The following KRABD5 variants were observed in gnomAD, a reference collection of about 807,000 sequenced individuals.
KRABD5 encodes the protein KRAB domain-containing protein 5.
At chr16:31,723,204 C>T in the KRABD5 span, 1 of 1,566,470 alleles carries the variant, frequency 6.4e-7, no homozygotes, top group Admixed American at 1.8e-5. Context: ...TCCTACTGAG[C>T]TGGCAATTAA....
chr16:31,754,072 T>C, the KRABD5 span: 2 of 796,656 alleles, frequency 2.5e-6, no homozygotes, highest in South Asian at 2.9e-5. Flanking sequence ...CATCAATTTT[T>C]GAAACTTACC....
chr16:31,739,831 A>G, the KRABD5 span, among the ~76,000 whole-genome samples: 1 of 152,174 alleles, frequency 6.6e-6, no homozygotes, highest in Non-Finnish European at 1.5e-5. Flanking sequence ...GAATGAGGGC[A>G]AGGAACACCT....
At chr16:31,717,107 CT>C in the KRABD5 span, among the ~76,000 whole-genome samples, 7 of 150,204 alleles carry the variant, frequency 4.7e-5, no homozygotes, top group South Asian at 1.5e-3. Flanking sequence ...AGCGATTCTC[CT>C]GCCTAGCCTC....
chr16:31,730,228 AT>A, the KRABD5 span, among the ~76,000 whole-genome samples: 7 of 150,924 alleles, frequency 4.6e-5, no homozygotes, highest in Non-Finnish European at 8.9e-5. Context: ...AATTCCTTTA[AT>A]TTTTTTTTTG....
chr16:31,748,422 G>A, the KRABD5 span, among the ~76,000 whole-genome samples: 44 of 152,318 alleles, frequency 2.9e-4, no homozygotes, highest in African/African-American at 1.0e-3. Context: ...GTCAGGTAGC[G>A]TGATGCCTCC....
At chr16:31,720,759 T>C in the KRABD5 span, among the ~76,000 whole-genome samples, 1 of 152,218 alleles carries the variant, frequency 6.6e-6, no homozygotes, top group Non-Finnish European at 1.5e-5. Context: ...TTGTTGTTAA[T>C]GTGTTTCTAG....
At chr16:31,746,027 T>C in the KRABD5 span, among the ~76,000 whole-genome samples, 4 of 152,298 alleles carry the variant, frequency 2.6e-5, no homozygotes, top group East Asian at 7.7e-4. Flanking sequence ...GCACATGAGA[T>C]GGGTGTCCTG....
chr16:31,753,021 G>A, the KRABD5 span, among the ~76,000 whole-genome samples: 1 of 152,042 alleles, frequency 6.6e-6, no homozygotes, highest in Non-Finnish European at 1.5e-5. Context: ...TTACTTTGAT[G>A]TCTTGTGATT....
At chr16:31,727,121 A>G in the KRABD5 span, among the ~76,000 whole-genome samples, 31 of 152,324 alleles carry the variant, frequency 2.0e-4, no homozygotes, top group Admixed American at 4.6e-4. Context: ...TAATTTTTGT[A>G]TGGTAATTTT....
chr16:31,716,422 C>A, the KRABD5 span, among the ~76,000 whole-genome samples: 1 of 152,170 alleles, frequency 6.6e-6, no homozygotes, highest in Admixed American at 6.5e-5. Flanking sequence ...CACTGTGTCG[C>A]CCAGGCTGGA....
chr16:31,736,106 C>T, the KRABD5 span, among the ~76,000 whole-genome samples: 1 of 152,092 alleles, frequency 6.6e-6, no homozygotes, highest in Non-Finnish European at 1.5e-5. Flanking sequence ...TAGTCTTATT[C>T]TTCTGTATAT....
chr16:31,739,258 C>T, the KRABD5 span, among the ~76,000 whole-genome samples: 1 of 152,024 alleles, frequency 6.6e-6, no homozygotes, highest in Non-Finnish European at 1.5e-5. Flanking sequence ...TGAATTCATT[C>T]AGCTTTTGTG....
the KRABD5 span, among the ~76,000 whole-genome samples, chr16:31,727,625 T>A: frequency 2.0e-5 from 3 of 152,226 alleles, no homozygotes; most frequent in East Asian, 5.8e-4. Flanking sequence ...ATGAATTCAT[T>A]TGGTCATGGG....
chr16:31,744,925 G>A, the KRABD5 span, among the ~76,000 whole-genome samples: 1 of 152,116 alleles, frequency 6.6e-6, no homozygotes, highest in South Asian at 2.1e-4. Flanking sequence ...GATATTTATG[G>A]TATTCTCTGG....
the KRABD5 span, among the ~76,000 whole-genome samples, chr16:31,735,815 A>T: frequency 6.6e-6 from 1 of 152,188 alleles, no homozygotes; most frequent in African/African-American, 2.4e-5. Context: ...ACTCAATATT[A>T]ACCTCTTGTC....
At chr16:31,719,246 T>G in the KRABD5 span, among the ~76,000 whole-genome samples, 1 of 152,216 alleles carries the variant, frequency 6.6e-6, no homozygotes, top group Non-Finnish European at 1.5e-5. Flanking sequence ...TTTGACCTTG[T>G]GAGTTCTGAT....
At chr16:31,726,981 T>G in the KRABD5 span, among the ~76,000 whole-genome samples, 2 of 152,222 alleles carry the variant, frequency 1.3e-5, no homozygotes, top group Non-Finnish European at 2.9e-5. Context: ...CAGATTTTAC[T>G]GAGCAGATCT....
the KRABD5 span, among the ~76,000 whole-genome samples, chr16:31,746,857 C>T: frequency 6.6e-6 from 1 of 152,146 alleles, no homozygotes; most frequent in South Asian, 2.1e-4. Flanking sequence ...TGCCTTATTT[C>T]AGCCAGGTGG....
the KRABD5 span, chr16:31,755,111 C>G: frequency 2.0e-6 from 1 of 490,640 alleles, no homozygotes; most frequent in African/African-American, 2.0e-5. Context: ...TGAGAGAATT[C>G]ATACTGGAGA....
Sources: gnomAD v4.1 joint callset for allele counts (sites outside exome capture counted in the v4.1 genomes callset) on GRCh38, gnomAD v4.1.1 for gene constraint, MANE v1.5 for transcripts, NCBI Gene and HGNC (gene_info 2026-07-23, HGNC 2026-07-21) for gene names.